Variants in SAMSN1 observed in about 807,000 individuals in gnomAD.
SAMSN1 encodes the protein SAM domain, SH3 domain and nuclear localization signals 1.
Under a neutral mutation model 42.0 loss-of-function variants are expected in SAMSN1, and 31 were observed. The ratio of observed to expected loss-of-function variants is 0.74; its 90% CI spans 0.55 to 1.00. SAMSN1 has a LOEUF of 1.00. Ranked by LOEUF, SAMSN1 falls within the 50% of genes least tolerant of loss-of-function variation. The probability of loss-of-function intolerance (pLI) is 0.00; values close to 1 mark genes in which losing one functional copy is unlikely to be tolerated. For missense variants in SAMSN1, 464 were observed against 439.4 expected (o/e 1.06, Z -0.50); for synonymous variants, 178 against 151.9 (o/e 1.17, Z -1.26).
At position 14,522,733 on chromosome 21, in the gene SAMSN1, G is replaced by A. The variant is rs114641952; in HGVS notation, c.58-1512C>T. Among the ~76,000 whole-genome samples the A allele has an allele frequency of 3.9e-3, 592 of 152,154 alleles. 1 individual carries two copies. The highest frequency in any genetic ancestry group is 0.013 in the African/African-American group (554 of 41,502). On this transcript the variant is annotated intron_variant, in intron 1 of 7. Transcript: ENST00000400566. ...TAATGGTAAACACTGAAACAAATGCGATCCATACATATATTTAAGAAAAAT... is the reference window on the plus strand; with the variant it reads ...TAATGGTAAACACTGAAACAAATGCAATCCATACATATATTTAAGAAAAAT...
At chr21:14,641,105 AT>A (rs938305016) in intron 2 of SAMSN1, among the ~76,000 whole-genome samples, 11 of 152,084 alleles carry the variant, frequency 7.2e-5, no homozygotes, top group Admixed American at 2.0e-4. Context: ...AACAATTTGC[AT>A]TGTCAATTGA....
chr21:14,524,845 G>A (rs988335165), intron 1 of SAMSN1, among the ~76,000 whole-genome samples: 3 of 152,026 alleles, frequency 2.0e-5, no homozygotes, highest in African/African-American at 7.2e-5. Context: ...AAAGTAAAAT[G>A]GAGAAAAGTG....
At chr21:14,579,476 G>T (rs955420616) in intron 2 of SAMSN1, among the ~76,000 whole-genome samples, 2 of 152,124 alleles carry the variant, frequency 1.3e-5, no homozygotes, top group African/African-American at 4.8e-5. Context: ...AATGAGGAAA[G>T]CTTTGGCTAT....
chr21:14,561,394 C>G (rs1201867803), intron 2 of SAMSN1, among the ~76,000 whole-genome samples: 1 of 152,144 alleles, frequency 6.6e-6, no homozygotes, highest in Non-Finnish European at 1.5e-5. Flanking sequence ...AAATTCTTCT[C>G]TACTGCAATG....
chr21:14,634,212 C>G (rs1261581558), intron 2 of SAMSN1, among the ~76,000 whole-genome samples: 1 of 151,762 alleles, frequency 6.6e-6, no homozygotes, highest in Non-Finnish European at 1.5e-5. Context: ...AAAAAAAACC[C>G]TAGAAGAAAA....
At position 14,649,262 on chromosome 21, in the gene SAMSN1, G is replaced by A. The variant is rs1329168363; in HGVS notation, c.25-6129C>T. ...ACAGGAAGGGGAACATCATACTCTGGGGACTGTTGTGGGGTGGGGGGAGGG... is the reference window on the plus strand; with the variant it reads ...ACAGGAAGGGGAACATCATACTCTGAGGACTGTTGTGGGGTGGGGGGAGGG... On this transcript the variant is annotated intron_variant, in intron 1 of 15. Transcript: ENST00000647101. Among the ~76,000 whole-genome samples the A allele has an allele frequency of 2.2e-5, 3 of 138,148 alleles. No homozygotes were observed. The South Asian group carries it at 7.4e-4, about 34-fold the overall frequency. The allele number at this position is 138,148 out of a possible 152,430, so 90.6% of individuals were successfully genotyped here. A position where few individuals can be genotyped will look rare whatever the true frequency, so the allele number is the denominator to read the frequency against.
chr21:14,489,443 C>G (rs1182324683), intron 7 of SAMSN1, among the ~76,000 whole-genome samples: 1 of 151,898 alleles, frequency 6.6e-6, no homozygotes, highest in Non-Finnish European at 1.5e-5. Flanking sequence ...GTTAATTTTC[C>G]CTCTATTTCT....
At chr21:14,605,972 G>A (rs1188468510) in intron 5 of SAMSN1, among the ~76,000 whole-genome samples, 1 of 151,928 alleles carries the variant, frequency 6.6e-6, no homozygotes, top group African/African-American at 2.4e-5. Flanking sequence ...CTCCCTAGTA[G>A]CTGGGACTAC....
intron 6 of SAMSN1, among the ~76,000 whole-genome samples, chr21:14,594,353 C>T (rs1380722426): frequency 3.3e-5 from 5 of 151,930 alleles, no homozygotes; most frequent in Non-Finnish European, 7.4e-5. Context: ...GTGTATGTGT[C>T]TATGTGTATT....
At chr21:14,524,961 A>G (rs547907348) in intron 1 of SAMSN1, among the ~76,000 whole-genome samples, 90 of 152,316 alleles carry the variant, frequency 5.9e-4, no homozygotes, top group African/African-American at 2.1e-3. Context: ...TATTCTGAAA[A>G]CTAACAAATA....
chr21:14,593,808 A>G, intron 7 of SAMSN1: 1 of 364,954 alleles, frequency 2.7e-6, no homozygotes, highest in Admixed American at 4.5e-5. Context: ...TCCTTCTTTG[A>G]AGGAAATGCT....
At chr21:14,498,396 TTA>T in intron 7 of SAMSN1, 44 bp downstream of exon 7, 1 of 1,535,898 alleles carries the variant, frequency 6.5e-7, no homozygotes, top group Non-Finnish European at 8.8e-7. Context: ...ACTATTTACA[TTA>T]AACTGATTAT....
upstream of SAMSN1, among the ~76,000 whole-genome samples, chr21:14,587,988 T>C (rs1260300933): frequency 7.4e-6 from 1 of 134,308 alleles, no homozygotes; most frequent in African/African-American, 2.8e-5. Context: ...TGAGTGAGAA[T>C]ATGCGGTGTT....
intron 2 of SAMSN1, among the ~76,000 whole-genome samples, chr21:14,581,830 C>T (rs953422465): frequency 6.6e-6 from 1 of 152,038 alleles, no homozygotes; most frequent in African/African-American, 2.4e-5. Context: ...ATTATAATTG[C>T]AATAATTTAG....
chr21:14,530,086 G>C (rs896635000), intron 1 of SAMSN1, among the ~76,000 whole-genome samples: 5 of 152,168 alleles, frequency 3.3e-5, no homozygotes, highest in Non-Finnish European at 5.9e-5. Context: ...GGAGGCCAAG[G>C]CAGGCGGATC....
At chr21:14,525,544 C>G (rs1978789530) in intron 1 of SAMSN1, among the ~76,000 whole-genome samples, 1 of 152,152 alleles carries the variant, frequency 6.6e-6, no homozygotes, top group African/African-American at 2.4e-5. Context: ...AAATAAACCA[C>G]TATACCAAAA....
intron 7 of SAMSN1, among the ~76,000 whole-genome samples, chr21:14,493,801 T>C (rs1986796729): frequency 6.6e-6 from 1 of 152,196 alleles, no homozygotes; most frequent in Admixed American, 6.5e-5. Context: ...GATTCCCAGT[T>C]GAGGGAACCG....
chr21:14,593,660 A>G (rs530106326), intron 7 of SAMSN1: 2 of 177,910 alleles, frequency 1.1e-5, no homozygotes, highest in African/African-American at 4.7e-5. Flanking sequence ...TGCTATAATG[A>G]TGTACACTTC....
At chr21:14,608,441 C>A (rs1040010954) in intron 5 of SAMSN1, among the ~76,000 whole-genome samples, 1 of 152,192 alleles carries the variant, frequency 6.6e-6, no homozygotes, top group Non-Finnish European at 1.5e-5. Flanking sequence ...TTCTGACTAG[C>A]CCCTCCACAG....
Sources: allele counts gnomAD v4.1 joint callset (sites outside exome capture counted in the v4.1 genomes callset), GRCh38; gene constraint gnomAD v4.1.1; transcripts MANE v1.5; gene names NCBI Gene and HGNC (gene_info 2026-07-23, HGNC 2026-07-21).